DMXL2: variants seen among roughly 807,000 people sequenced by gnomAD.
The protein encoded by DMXL2 is dmX-like protein 2.
Under a neutral mutation model 331.1 loss-of-function variants are expected in DMXL2, and 103 were observed. The ratio of observed to expected loss-of-function variants is 0.31; its 90% CI spans 0.27 to 0.37. DMXL2 has a LOEUF of 0.37. Ranked by LOEUF, DMXL2 falls within the 10% of genes least tolerant of loss-of-function variation. The pLI, the probability that DMXL2 is intolerant of heterozygous loss-of-function variation, is 1.00. For synonymous variants in DMXL2, 1,281 were observed against 1,252.1 expected (o/e 1.02, Z -0.49); for missense variants, 3,171 against 3,642.9 (o/e 0.87, Z 3.33).
In DMXL2 at chr15:51,573,549, A is replaced by T. The variant is rs2050810133; in HGVS notation, c.213+2507T>A. On this transcript the variant is annotated intron_variant, in intron 2 of 43. Transcript: ENST00000560891. ...GGATGAGTTCATGTCCTTTGCAGGG[A>T]CATGGAAGAAGCTGGAAACCATTAT... Among the ~76,000 whole-genome samples, 2 of 152,218 alleles carry T rather than the reference A, an allele frequency of 1.3e-5. 1 individual carries two copies. Among genetic ancestry groups the T allele is most frequent in the South Asian group, 4.1e-4 (2 of 4,832 alleles).
At chr15:51,514,951 A>T (rs2046952699) in intron 14 of DMXL2, among the ~76,000 whole-genome samples, 1 of 152,168 alleles carries the variant, frequency 6.6e-6, no homozygotes, top group East Asian at 1.9e-4. Context: ...GCACTATGTA[A>T]GACACACTAG....
rs1208329324 is a variant in DMXL2, at chr15:51,471,240, C to G, written c.7375G>C (p.Asp2459His). 6.2e-7 allele frequency: 1 copy of G among 1,613,686 alleles called. No individual in the cohort carries two copies. Among genetic ancestry groups the G allele is most frequent in the Admixed American group, 1.7e-5 (1 of 59,986 alleles). ...KFIPPELSMW[D>H]YFVAKPFLPL... ...CTCCTTACCTTTGCAACAAAATAAT[C>G]CCACATACTAAGTTCGGGAGGAATA... Residue 2459 changes from aspartate (D) to histidine (H), a missense_variant, in exon 29 of 44, where the codon GAT becomes CAT. Physicochemically the swap from Asp to His is moderately conservative, Grantham distance 81 (BLOSUM62 -1). Coordinates refer to ENST00000560891, the MANE Select transcript of DMXL2 (RefSeq NM_001378457.1).
chr15:51,467,967 C>G lies in DMXL2; in HGVS notation c.7393-1656G>C, dbSNP rs960130150. 3.3e-5 allele frequency among the ~76,000 whole-genome samples: 5 copies of G among 152,298 alleles called. No homozygotes were observed. The South Asian group carries it at 1.0e-3, about 32-fold the overall frequency. ...GGTCCCAATCTCCTGACCTCATGAT[C>G]TGCCCACCTTGGCCTCCCAAAGTGC... is the stretch of plus-strand genomic sequence containing the variant. On this transcript the variant is annotated intron_variant, in intron 29 of 43. Transcript: ENST00000560891.
intron 14 of DMXL2, among the ~76,000 whole-genome samples, chr15:51,514,964 T>G (rs564491991): frequency 6.6e-6 from 1 of 152,186 alleles, no homozygotes; most frequent in Admixed American, 6.5e-5. Flanking sequence ...CACACTAGAC[T>G]ACTACACAAC....
chr15:51,593,938 C>G (rs1487190789), intron 1 of DMXL2, among the ~76,000 whole-genome samples: 1 of 152,158 alleles, frequency 6.6e-6, no homozygotes, highest in African/African-American at 2.4e-5. Context: ...AAATTTATAG[C>G]ACTAAATGCC....
Position 51,480,013 on chromosome 15 carries a change from G to A in DMXL2, c.6691C>T (p.His2231Tyr). 1 of 1,591,552 alleles carries A rather than the reference G, an allele frequency of 6.3e-7. No homozygotes were observed. Among genetic ancestry groups the A allele is most frequent in the African/African-American group, 1.3e-5 (1 of 74,706 alleles). ...NPVLYLNNHI[H>Y]DILYTIVQMK... is the part of the protein sequence containing the mutation. ...TGAACAATAGTATAAAGTATATCAT[G>A]GATGTGATTATTTAAGTACAATACA... The change falls in exon 25 of 44, where the codon CAT (histidine) becomes TAT (tyrosine). Residue 2231 changes from histidine to tyrosine, a missense_variant. Physicochemically the swap from His to Tyr is moderately conservative, Grantham distance 83. Transcript: ENST00000560891.
intron 17 of DMXL2, among the ~76,000 whole-genome samples, chr15:51,501,195 G>A (rs1316660851): frequency 2.0e-5 from 3 of 152,130 alleles, no homozygotes; most frequent in African/African-American, 7.2e-5. Context: ...CTTTCCAACT[G>A]TGAATGCAAA....
At chr15:51,457,885 TCTGAA>T (rs1399053448) in intron 36 of DMXL2, 1 of 158,862 alleles carries the variant, frequency 6.3e-6, no homozygotes, top group East Asian at 1.9e-4. Context: ...TTATATCTAC[TCTGAA>T]ATGTGATATT....
chr15:51,609,704 G>A (rs1715784919), intron 1 of DMXL2, among the ~76,000 whole-genome samples: 1 of 152,118 alleles, frequency 6.6e-6, no homozygotes, highest in Non-Finnish European at 1.5e-5. Flanking sequence ...CAAGGAGGAT[G>A]GATCACCTGA....
At chr15:51,555,219 A>G (rs1000490124) in intron 6 of DMXL2, among the ~76,000 whole-genome samples, 2 of 152,220 alleles carry the variant, frequency 1.3e-5, no homozygotes, top group African/African-American at 4.8e-5. Context: ...ACAGAAGTGC[A>G]GCAAAAATTG....
At chr15:51,619,241 T>G (rs914971249) in intron 1 of DMXL2, among the ~76,000 whole-genome samples, 1 of 152,184 alleles carries the variant, frequency 6.6e-6, no homozygotes, top group Non-Finnish European at 1.5e-5. Flanking sequence ...CGGGAGAAGA[T>G]CATCTCTTTG....
At chr15:51,621,756 G>T (rs1346187890) in intron 1 of DMXL2, among the ~76,000 whole-genome samples, 1 of 152,004 alleles carries the variant, frequency 6.6e-6, no homozygotes, top group Non-Finnish European at 1.5e-5. Flanking sequence ...TAAAAAAAAG[G>T]CTACCTTACA....
intron 1 of DMXL2, among the ~76,000 whole-genome samples, chr15:51,606,214 G>T (rs1595728742): frequency 6.6e-6 from 1 of 152,152 alleles, no homozygotes; most frequent in Non-Finnish European, 1.5e-5. Context: ...GTGTGTGGGG[G>T]TGTGGATGTG....
intron 36 of DMXL2, chr15:51,458,164 A>T (rs1380912638): frequency 1.1e-5 from 2 of 187,586 alleles, no homozygotes; most frequent in Non-Finnish European, 2.2e-5. Flanking sequence ...ATAAGAAGAA[A>T]CACTGCAAAA....
chr15:51,463,843 T>C (rs544201048), intron 32 of DMXL2, among the ~76,000 whole-genome samples: 4 of 152,268 alleles, frequency 2.6e-5, no homozygotes, highest in African/African-American at 4.8e-5. Flanking sequence ...ATACAAGTCA[T>C]AGATACCGAT....
chr15:51,555,098 C>T (rs2049474984), intron 6 of DMXL2, among the ~76,000 whole-genome samples: 1 of 152,180 alleles, frequency 6.6e-6, no homozygotes, highest in African/African-American at 2.4e-5. Flanking sequence ...GCAGAGGTTG[C>T]AGTGAGCCAA....
intron 16 of DMXL2, 123 bp downstream of exon 16, chr15:51,507,011 A>G: frequency 1.3e-6 from 1 of 755,060 alleles, no homozygotes; most frequent in South Asian, 4.3e-5. Flanking sequence ...TAGAAGAGAC[A>G]TAATTCAGCA....
Position 51,497,292 on chromosome 15 carries a change from T to G in DMXL2, c.4672+1260A>C, listed in dbSNP as rs546762384. Among the ~76,000 whole-genome samples the G allele has an allele frequency of 1.9e-4, 29 of 152,328 alleles. 1 individual carries two copies. In the South Asian group the frequency reaches 5.4e-3, roughly 28 times the overall value. On this transcript the variant is annotated intron_variant, in intron 18 of 43. Coordinates refer to ENST00000560891, the MANE Select transcript of DMXL2 (RefSeq NM_001378457.1). Reference sequence around the variant, plus strand: ...AAGGATGTAAATCTATATGAAGAGATATTTTCCAGCTACCTTTCCCCCACA... The same window carrying G: ...AAGGATGTAAATCTATATGAAGAGAGATTTTCCAGCTACCTTTCCCCCACA...
chr15:51,549,149 T>C (rs1395465422), intron 6 of DMXL2, among the ~76,000 whole-genome samples: 1 of 152,092 alleles, frequency 6.6e-6, no homozygotes, highest in Non-Finnish European at 1.5e-5. Context: ...GTCCATTGTA[T>C]CATTCTTATG....
Sources: allele counts gnomAD v4.1 joint callset (sites outside exome capture counted in the v4.1 genomes callset), GRCh38; gene constraint gnomAD v4.1.1; transcripts MANE v1.5; gene names NCBI Gene and HGNC (gene_info 2026-07-23, HGNC 2026-07-21).